The following FARP2 variants were observed in gnomAD, a reference collection of about 807,000 sequenced individuals.
FARP2 encodes FERM, ARH/RhoGEF and pleckstrin domain protein 2.
Under a neutral mutation model 130.5 loss-of-function variants are expected in FARP2, and 111 were observed. The observed-to-expected ratio is 0.85, with a 90% confidence interval of 0.73 to 1.00. The LOEUF (loss-of-function observed/expected upper bound fraction) is 1.00, where lower values mean the gene tolerates loss of function less well. Among genes scored for constraint, FARP2 ranks in the 50% least tolerant of loss-of-function variants. FARP2 has a pLI of 0.00. For synonymous variants in FARP2, 504 were observed against 516.9 expected (o/e 0.98, Z 0.34); for missense variants, 1,385 against 1,346.3 (o/e 1.03, Z -0.45).
At chr2:241,436,144 C>T (rs368572528) in intron 11 of FARP2, among the ~76,000 whole-genome samples, 1 of 151,304 alleles carries the variant, frequency 6.6e-6, no homozygotes, top group Admixed American at 6.6e-5. Context: ...GATCTGACCT[C>T]GTGATCCACC....
rs753568353 is a variant in FARP2, at chr2:241,407,521, A to C, written c.332-16A>C. On this transcript the variant is annotated splice_polypyrimidine_tract_variant and intron_variant, in intron 4 of 26. Transcript: ENST00000264042. ...AGATCGGCCTTATTTGTGAAGTTTA[A>C]ATTTTTTTGTTATAGGGCCAAAGAA... is the stretch of plus-strand genomic sequence containing the variant. 3 of 1,608,178 alleles carry C rather than the reference A, an allele frequency of 1.9e-6. No homozygotes were observed. In the African/African-American group the frequency reaches 4.0e-5, roughly 22 times the overall value.
At chr2:241,469,669 TGTCA>T (rs1476453542) in intron 18 of FARP2, among the ~76,000 whole-genome samples, 1 of 152,208 alleles carries the variant, frequency 6.6e-6, no homozygotes, top group African/African-American at 2.4e-5. Context: ...TGTTTCTCAT[TGTCA>T]GTCATTATAC....
At chr2:241,485,111 C>T (rs979138387) in intron 21 of FARP2, among the ~76,000 whole-genome samples, 1 of 152,062 alleles carries the variant, frequency 6.6e-6, no homozygotes, top group African/African-American at 2.4e-5. Flanking sequence ...GTGGTCCTCC[C>T]TGTCAGTGAT....
rs575283599 is a variant in FARP2 at position 241,492,975 on chromosome 2, G to A, written c.2834G>A (p.Gly945Asp). ...CTAAGAAAGTTCAAAAACAGTCATG[G>A]CTGGCAGAAGCTCTGGGTCGTCTTT... is the stretch of plus-strand genomic sequence containing the variant. The part of the protein sequence containing the change: ...YLLRKFKNSH[G>D]WQKLWVVFTN... The change falls in exon 25 of 27, where the codon GGC (glycine) becomes GAC (aspartate). Residue 945 changes from glycine to aspartate, a missense_variant. By Grantham distance (94) the Gly-to-Asp change is moderately conservative. Coordinates refer to ENST00000264042, the MANE Select transcript of FARP2 (RefSeq NM_014808.4). 3.1e-6 allele frequency: 5 copies of A among 1,613,146 alleles called. No individual in the cohort carries two copies. In the South Asian group the frequency reaches 4.4e-5, roughly 14 times the overall value.
rs1333749014 is a variant in FARP2, at chr2:241,457,018, G to A, written c.1587+96G>A. On this transcript the variant is annotated intron_variant, in intron 14 of 26. Transcript: ENST00000264042. Reference sequence around the variant, plus strand: ...GGTGCTGGTGGGGACCCTGGGGCGGGGCAGGGAAGGGCTCTGCACTCACAG... The same window carrying A: ...GGTGCTGGTGGGGACCCTGGGGCGGAGCAGGGAAGGGCTCTGCACTCACAG... 9 of 1,126,444 alleles carry A rather than the reference G, an allele frequency of 8.0e-6. No homozygotes were observed. In the Admixed American group the frequency reaches 1.5e-4, roughly 19 times the overall value. 69.8% of individuals were successfully genotyped at this position (1,126,444 alleles called of 1,614,324 possible). A position where few individuals can be genotyped will look rare whatever the true frequency, so the allele number is the denominator to read the frequency against.
In FARP2 at chr2:241,467,991, A is replaced by C. The variant is rs914445189; in HGVS notation, c.1894-149A>C. 1.3e-5 allele frequency: 9 copies of C among 702,796 alleles called. No individual in the cohort carries two copies. In the Admixed American group the frequency reaches 1.8e-4, roughly 14 times the overall value. 43.5% of individuals were successfully genotyped at this position (702,796 alleles called of 1,614,324 possible). The stretch of plus-strand genomic sequence containing the variant: ...GGTTGAGATGCATTCCGTGGAGGCT[A>C]GAAAGCCCCCGCTGGCGCACGCTGG... On this transcript the variant is annotated intron_variant, in intron 17 of 26. Transcript: ENST00000264042.
chr2:241,377,416 A>G (rs1174292718), intron 2 of FARP2, among the ~76,000 whole-genome samples: 1 of 146,688 alleles, frequency 6.8e-6, no homozygotes, highest in Non-Finnish European at 1.5e-5. Flanking sequence ...ATCTCGGCTC[A>G]CTGCAAGCTC....
At chr2:241,372,274 A>G (rs908538514) in intron 1 of FARP2, among the ~76,000 whole-genome samples, 2 of 151,922 alleles carry the variant, frequency 1.3e-5, no homozygotes, top group African/African-American at 4.8e-5. Context: ...GGTTATTGTG[A>G]GAATGGGCAG....
intron 24 of FARP2, chr2:241,492,643 C>T (rs1040297427): frequency 1.1e-5 from 4 of 352,024 alleles, no homozygotes; most frequent in African/African-American, 8.3e-5. Context: ...CTTCTCTCTT[C>T]TGGCTGTTGG....
At chr2:241,420,794 C>T (rs2150377329) in intron 8 of FARP2, among the ~76,000 whole-genome samples, 1 of 152,276 alleles carries the variant, frequency 6.6e-6, no homozygotes, top group African/African-American at 2.4e-5. Context: ...CCAGCAGACC[C>T]TGGGCTCCAC....
intron 8 of FARP2, among the ~76,000 whole-genome samples, chr2:241,420,143 C>A (rs1323495752): frequency 1.3e-5 from 2 of 152,184 alleles, no homozygotes; most frequent in Admixed American, 1.3e-4. Flanking sequence ...TTGAGTGAGA[C>A]CCTGTCTCTA....
intron 8 of FARP2, among the ~76,000 whole-genome samples, chr2:241,420,153 A>G (rs1329373769): frequency 6.6e-6 from 1 of 152,194 alleles, no homozygotes; most frequent in Non-Finnish European, 1.5e-5. Context: ...CCCTGTCTCT[A>G]AATAAGTACA....
At chr2:241,382,417 G>A (rs1262215933) in intron 2 of FARP2, among the ~76,000 whole-genome samples, 1 of 150,942 alleles carries the variant, frequency 6.6e-6, no homozygotes, top group Non-Finnish European at 1.5e-5. Context: ...CCAAGTAGCT[G>A]GGACTACAGA....
intron 17 of FARP2, among the ~76,000 whole-genome samples, chr2:241,464,827 T>G (rs1035880760): frequency 8.6e-5 from 13 of 151,794 alleles, no homozygotes; most frequent in African/African-American, 3.1e-4. Context: ...CTGGATGGGG[T>G]CTCCCTCAGA....
chr2:241,466,368 T>C (rs529000763), intron 17 of FARP2: 4 of 985,394 alleles, frequency 4.1e-6, no homozygotes, highest in South Asian at 9.4e-5. Context: ...CCTGCCAGGA[T>C]TGAAGCCATG....
intron 20 of FARP2, 175 bp from the exon 21 acceptor site, chr2:241,484,067 C>T (rs1214300681): frequency 2.0e-5 from 28 of 1,400,650 alleles, no homozygotes; most frequent in Non-Finnish European, 2.5e-5. Context: ...TGGCCCTTTC[C>T]TGCCTCTGGT....
At chr2:241,479,824 C>A (rs556399198) in intron 19 of FARP2, among the ~76,000 whole-genome samples, 135 of 152,196 alleles carry the variant, frequency 8.9e-4, no homozygotes, top group Non-Finnish European at 4.4e-4. Flanking sequence ...GGGCTGGAAG[C>A]CTGTCTGCTG....
rs2062208446 is a variant in FARP2, at chr2:241,402,839, TATATATATATATATATATATATA to T, written c.184-988_184-966del. Among the ~76,000 whole-genome samples the T allele has an allele frequency of 6.8e-4, 21 of 30,846 alleles. 1 individual carries two copies. Among genetic ancestry groups the T allele is most frequent in the African/African-American group, 2.6e-3 (17 of 6,568 alleles). 20.2% of individuals were successfully genotyped at this position (30,846 alleles called of 152,430 possible). A position where few individuals can be genotyped will look rare whatever the true frequency, so the allele number is the denominator to read the frequency against. ...CACGCCACTACACCCAGCTAATTTATATATATATATATATATATATATATATATATATATATATATATTTTTTT... is the reference window on the plus strand; with the variant it reads ...CACGCCACTACACCCAGCTAATTTATTATATATATATATATATATTTTTTT... On this transcript the variant is annotated intron_variant, in intron 2 of 26. Coordinates refer to ENST00000264042, the MANE Select transcript of FARP2 (RefSeq NM_014808.4).
At chr2:241,466,697 C>T (rs1194404081) in intron 17 of FARP2, 15 of 676,556 alleles carry the variant, frequency 2.2e-5, no homozygotes, top group African/African-American at 1.6e-4. Flanking sequence ...CCACCCCCCC[C>T]CCCACCACCA....
Sources: allele counts gnomAD v4.1 joint callset (sites outside exome capture counted in the v4.1 genomes callset), GRCh38; gene constraint gnomAD v4.1.1; transcripts MANE v1.5; gene names NCBI Gene and HGNC (gene_info 2026-07-23, HGNC 2026-07-21).